NEGR1: variants seen among roughly 807,000 people sequenced by gnomAD.
The protein encoded by NEGR1 is IgLON family member 4.
NEGR1 carries 10 observed loss-of-function variants against 40.9 expected under a neutral mutation model. The ratio of observed to expected loss-of-function variants is 0.24; its 90% CI spans 0.15 to 0.42. The LOEUF (loss-of-function observed/expected upper bound fraction) is 0.42. Ranked by LOEUF, NEGR1 falls within the 10% of genes least tolerant of loss-of-function variation. NEGR1 has a pLI of 1.00. For missense variants in NEGR1, 352 were observed against 438.9 expected, an observed-to-expected ratio of 0.80 and a Z score of 1.77; for synonymous variants, 185 against 166.8, an observed-to-expected ratio of 1.11 and a Z score of -0.84.
intron 6 of NEGR1, among the ~76,000 whole-genome samples, chr1:71,493,896 TG>T (rs1472691177): frequency 6.6e-6 from 1 of 152,234 alleles, no homozygotes; most frequent in Non-Finnish European, 1.5e-5. Context: ...CCACATTTGC[TG>T]GGATGGGATC....
chr1:72,043,793 T>G lies in NEGR1; in HGVS notation c.177-108482A>C, dbSNP rs567808512. On this transcript the variant is annotated intron_variant, in intron 1 of 6. Coordinates refer to ENST00000357731, the MANE Select transcript of NEGR1 (RefSeq NM_173808.3). ...CGGGGAAAAGCACTTGTAACAGTAC[T>G]GTGGAATTCACCCTATTCTGTAACC... Among the ~76,000 whole-genome samples the G allele has an allele frequency of 6.6e-5, 10 of 151,978 alleles. No individual in the cohort carries two copies. In the South Asian group the frequency reaches 2.1e-3, roughly 32 times the overall value.
chr1:72,165,081 T>A (rs900702310), intron 1 of NEGR1, among the ~76,000 whole-genome samples: 2 of 152,046 alleles, frequency 1.3e-5, no homozygotes, highest in Non-Finnish European at 2.9e-5. Flanking sequence ...TCTATTATCA[T>A]TGGTATTATA....
At chr1:71,714,993 C>T (rs899112277) in intron 3 of NEGR1, among the ~76,000 whole-genome samples, 2 of 152,206 alleles carry the variant, frequency 1.3e-5, no homozygotes, top group Non-Finnish European at 2.9e-5. Context: ...GAGGTTCTCC[C>T]TAAAGGCTCT....
intron 6 of NEGR1, among the ~76,000 whole-genome samples, chr1:71,548,205 T>G (rs755961556): frequency 2.6e-5 from 4 of 151,682 alleles, no homozygotes; most frequent in Non-Finnish European, 4.4e-5. Context: ...GCTGCACAAT[T>G]TGGAGATATT....
At chr1:71,943,024 A>ATG (rs1454647432) in intron 1 of NEGR1, among the ~76,000 whole-genome samples, 20 of 133,984 alleles carry the variant, frequency 1.5e-4, no homozygotes, top group African/African-American at 4.9e-4. Flanking sequence ...ATGTGTATAT[A>ATG]TATACACACA....
chr1:71,761,890 A>G (rs1457891329), intron 3 of NEGR1, among the ~76,000 whole-genome samples: 1 of 152,158 alleles, frequency 6.6e-6, no homozygotes, highest in Non-Finnish European at 1.5e-5. Flanking sequence ...TGGTAAAAAT[A>G]TAAAAGATAG....
chr1:71,894,684 C>T (rs1351964634), intron 2 of NEGR1, among the ~76,000 whole-genome samples: 2 of 152,166 alleles, frequency 1.3e-5, no homozygotes, highest in Middle Eastern at 3.2e-3. Context: ...CTTCATAACA[C>T]GCTAACTTGT....
chr1:71,698,553 T>G (rs1345947788), intron 3 of NEGR1, among the ~76,000 whole-genome samples: 1 of 151,854 alleles, frequency 6.6e-6, no homozygotes, highest in African/African-American at 2.4e-5. Flanking sequence ...AAATGTTACT[T>G]TTCTTTTGGG....
chr1:71,764,414 TCTTTA>T (rs1345668272), intron 3 of NEGR1, among the ~76,000 whole-genome samples: 1 of 152,250 alleles, frequency 6.6e-6, no homozygotes, highest in Non-Finnish European at 1.5e-5. Flanking sequence ...AGACATTCTC[TCTTTA>T]CTTTTTTTGC....
chr1:71,508,871 C>G (rs1647053535), intron 6 of NEGR1, among the ~76,000 whole-genome samples: 1 of 152,288 alleles, frequency 6.6e-6, no homozygotes, highest in Admixed American at 6.5e-5. Flanking sequence ...CCATTCTAAA[C>G]CAAGAACCAA....
intron 2 of NEGR1, among the ~76,000 whole-genome samples, chr1:71,822,636 A>G (rs539151006): frequency 1.3e-5 from 2 of 152,076 alleles, no homozygotes; most frequent in East Asian, 3.9e-4. Context: ...GGTTGACTGC[A>G]TTGTTTCCCT....
intron 1 of NEGR1, among the ~76,000 whole-genome samples, chr1:72,101,823 A>G (rs1648958388): frequency 6.6e-6 from 1 of 152,200 alleles, no homozygotes; most frequent in Non-Finnish European, 1.5e-5. Flanking sequence ...ATCCATTAAA[A>G]TGAATGCTAG....
At chr1:71,717,644 G>A (rs1349320373) in intron 3 of NEGR1, among the ~76,000 whole-genome samples, 1 of 152,182 alleles carries the variant, frequency 6.6e-6, no homozygotes, top group African/African-American at 2.4e-5. Context: ...TGCTATTTGA[G>A]TAACAATGCT....
chr1:71,627,274 A>G (rs1650818214), intron 4 of NEGR1, among the ~76,000 whole-genome samples: 2 of 152,218 alleles, frequency 1.3e-5, no homozygotes. Flanking sequence ...AGACTGGATT[A>G]AGAAAATGTG....
intron 1 of NEGR1, among the ~76,000 whole-genome samples, chr1:71,965,374 G>A (rs1378199941): frequency 6.6e-6 from 1 of 152,242 alleles, no homozygotes; most frequent in Non-Finnish European, 1.5e-5. Flanking sequence ...GCAGCTGAAT[G>A]TATTATAAAC....
chr1:71,448,848 T>C (rs2101324946), intron 6 of NEGR1, among the ~76,000 whole-genome samples: 1 of 152,308 alleles, frequency 6.6e-6, no homozygotes, highest in East Asian at 1.9e-4. Flanking sequence ...TTCTGGAATC[T>C]TTGATTTCAG....
At chr1:71,929,066 T>C (rs1026808962) in intron 2 of NEGR1, among the ~76,000 whole-genome samples, 7 of 152,058 alleles carry the variant, frequency 4.6e-5, no homozygotes, top group Non-Finnish European at 7.4e-5. Flanking sequence ...AGAGAGCAAA[T>C]AATAAGCATT....
intron 2 of NEGR1, among the ~76,000 whole-genome samples, chr1:71,820,120 A>G (rs1557665048): frequency 6.6e-6 from 1 of 152,020 alleles, no homozygotes; most frequent in Admixed American, 6.6e-5. Flanking sequence ...TATCAGAGTG[A>G]TAAACAAGAA....
intron 1 of NEGR1, among the ~76,000 whole-genome samples, chr1:72,086,348 T>C (rs1290440483): frequency 6.6e-6 from 1 of 152,192 alleles, no homozygotes; most frequent in Non-Finnish European, 1.5e-5. Context: ...ATTGCTCTGA[T>C]TTTTTACACT....
Sources: allele counts gnomAD v4.1 joint callset (sites outside exome capture counted in the v4.1 genomes callset), GRCh38; gene constraint gnomAD v4.1.1; transcripts MANE v1.5; gene names NCBI Gene and HGNC (gene_info 2026-07-23, HGNC 2026-07-21).